The following AATF variants were observed in gnomAD, a reference collection of about 807,000 sequenced individuals.
AATF encodes apoptosis antagonizing transcription factor.
A neutral mutation model predicts 63.7 loss-of-function variants in AATF; 48 were observed. The ratio of observed to expected loss-of-function variants is 0.75; its 90% CI spans 0.60 to 0.96. The LOEUF is 0.96. Ranked by LOEUF, AATF falls within the 40% of genes least tolerant of loss-of-function variation. The pLI is 0.00. For missense variants in AATF, 639 were observed against 685.7 expected (o/e 0.93, Z 0.76); for synonymous variants, 258 against 247.7 (o/e 1.04, Z -0.39).
chr17:37,016,730 CT>C (rs1010970006), intron 8 of AATF, among the ~76,000 whole-genome samples: 4 of 149,010 alleles, frequency 2.7e-5, no homozygotes, highest in African/African-American at 5.0e-5. Context: ...TTTTTAGCAA[CT>C]GTTTTGAAAG....
intron 4 of AATF, among the ~76,000 whole-genome samples, chr17:36,973,283 G>T (rs2071053983): frequency 6.6e-6 from 1 of 152,092 alleles, no homozygotes; most frequent in South Asian, 2.1e-4. Context: ...GATTTTAAAG[G>T]ATTTATCCTT....
At chr17:36,986,007 G>C (rs900493019) in intron 4 of AATF, among the ~76,000 whole-genome samples, 1 of 152,170 alleles carries the variant, frequency 6.6e-6, no homozygotes, top group Admixed American at 6.5e-5. Flanking sequence ...CAAATAGAAA[G>C]TGATTCATTA....
chr17:37,023,692 A>G lies in AATF; in HGVS notation c.1547+2678A>G, dbSNP rs563021550. On this transcript the variant is annotated intron_variant, in intron 10 of 11. Coordinates refer to ENST00000619387, the MANE Select transcript of AATF (RefSeq NM_012138.4). ...AGGCATTCTTTTTAAACAGAGTTAA[A>G]CATGAAAACATAGTAAGTGGTTTTA... Among the ~76,000 whole-genome samples, 652 of 151,980 alleles carry G rather than the reference A, an allele frequency of 4.3e-3. 2 individuals carry two copies. The highest frequency in any genetic ancestry group is 0.012 in the South Asian group (58 of 4,796).
intron 8 of AATF, among the ~76,000 whole-genome samples, chr17:36,997,447 T>C (rs1470623605): frequency 6.6e-6 from 1 of 152,030 alleles, no homozygotes; most frequent in Admixed American, 6.6e-5. Context: ...AAAGAAGATA[T>C]ACAAATGGCC....
chr17:37,056,606 A>G lies in AATF; in HGVS notation c.1625A>G (p.Glu542Gly), dbSNP rs1280677935. ...TTGCTGTGTTTGTCTTTTAGGACAG[A>G]ACTGTACCGCTCTCTTTTTGGCCAG... Reference protein sequence around the residue: ...HTTMNDDARTELYRSLFGQLH... With the variant: ...HTTMNDDARTGLYRSLFGQLH... The change falls in exon 12 of 12, where the codon GAA (glutamate) becomes GGA (glycine). Residue 542 changes from glutamate (E) to glycine (G), a missense_variant. Transcript: ENST00000619387. 3.2e-5 allele frequency: 52 copies of G among 1,614,210 alleles called. No individual in the cohort carries two copies. Among genetic ancestry groups the G allele is most frequent in the Non-Finnish European group, 4.3e-5 (51 of 1,180,036 alleles).
At chr17:36,972,612 G>A (rs1429613886) in intron 4 of AATF, among the ~76,000 whole-genome samples, 2 of 151,620 alleles carry the variant, frequency 1.3e-5, no homozygotes, top group Non-Finnish European at 2.9e-5. Flanking sequence ...AAGTGTGTGT[G>A]TATAGAAAGT....
At chr17:36,996,859 G>C (rs908806732) in intron 8 of AATF, among the ~76,000 whole-genome samples, 5 of 152,136 alleles carry the variant, frequency 3.3e-5, no homozygotes, top group African/African-American at 1.2e-4. Context: ...CAGGTTTCTT[G>C]CTTTAAAAAA....
intron 5 of AATF, 24 bp from the exon 6 acceptor site, chr17:36,988,495 A>T: frequency 6.2e-7 from 1 of 1,610,024 alleles, no homozygotes; most frequent in Non-Finnish European, 8.5e-7. Flanking sequence ...TACACTGGAC[A>T]TAATATTCTT....
At chr17:37,043,711 G>A (rs903477975) in intron 11 of AATF, among the ~76,000 whole-genome samples, 2 of 151,660 alleles carry the variant, frequency 1.3e-5, no homozygotes, top group South Asian at 2.1e-4. Context: ...AGTTATTGTC[G>A]GCCTCCTCTG....
At chr17:36,965,245 G>T (rs550784848) in intron 4 of AATF, among the ~76,000 whole-genome samples, 74 of 152,282 alleles carry the variant, frequency 4.9e-4, no homozygotes, top group African/African-American at 1.7e-3. Flanking sequence ...GCAGGGCTTT[G>T]TTCCTGGAGG....
intron 6 of AATF, 121 bp downstream of exon 6, chr17:36,988,841 C>G (rs755562784): frequency 3.8e-5 from 37 of 986,202 alleles, no homozygotes; most frequent in Admixed American, 5.6e-5. Context: ...GGTAATCATT[C>G]ATTTCTATAG....
intron 4 of AATF, among the ~76,000 whole-genome samples, chr17:36,968,242 T>G (rs1349711068): frequency 1.2e-5 from 1 of 86,716 alleles, no homozygotes; most frequent in Non-Finnish European, 2.1e-5. Context: ...TATTTTTTTC[T>G]TTTTTCTTTT....
rs544132789 is a variant in AATF at position 37,008,673 on chromosome 17, C to T, written c.1399-10332C>T. Among the ~76,000 whole-genome samples the T allele has an allele frequency of 6.6e-5, 10 of 152,110 alleles. No homozygotes were observed. In the South Asian group the frequency reaches 1.0e-3, roughly 16 times the overall value. ...GAGGTCAAGAGTTCAAGACCAGCCA[C>T]GGCAACATAGAGAGACCCCATCTCT... On this transcript the variant is annotated intron_variant, in intron 8 of 11. Transcript: ENST00000619387.
At chr17:36,962,110 C>G (rs1472936499) in intron 4 of AATF, among the ~76,000 whole-genome samples, 1 of 152,164 alleles carries the variant, frequency 6.6e-6, no homozygotes, top group African/African-American at 2.4e-5. Context: ...TATTGATCTT[C>G]TTTTTGCTAA....
intron 8 of AATF, among the ~76,000 whole-genome samples, chr17:37,009,539 C>T (rs944497699): frequency 1.3e-4 from 19 of 150,702 alleles, no homozygotes; most frequent in African/African-American, 2.7e-4. Context: ...CCATCCAGGC[C>T]GGGCGCGGTG....
intron 11 of AATF, among the ~76,000 whole-genome samples, chr17:37,032,919 T>A (rs1012527688): frequency 6.6e-6 from 1 of 152,228 alleles, no homozygotes; most frequent in African/African-American, 2.4e-5. Context: ...TTTTTAAACA[T>A]ATTTACCAAG....
In AATF at chr17:36,951,409, G is replaced by T. The variant is rs148822257; in HGVS notation, c.283+1004G>T. Among the ~76,000 whole-genome samples, 580 of 151,954 alleles carry T rather than the reference G, an allele frequency of 3.8e-3. 11 individuals carry two copies. Among genetic ancestry groups the T allele is most frequent in the Admixed American group, 0.033 (503 of 15,264 alleles). On this transcript the variant is annotated intron_variant, in intron 2 of 11. Transcript: ENST00000619387. ...CACTGAGTTTAGCTCTATAATTTAA[G>T]TTCTAAGAGCCTGGGACACAGTAAG...
chr17:37,002,616 G>A (rs2071309165), intron 8 of AATF, among the ~76,000 whole-genome samples: 1 of 151,084 alleles, frequency 6.6e-6, no homozygotes. Context: ...AGCTTGCAGT[G>A]AGCCAAGATA....
At chr17:36,983,550 C>T (rs1433626266) in intron 4 of AATF, among the ~76,000 whole-genome samples, 2 of 151,850 alleles carry the variant, frequency 1.3e-5, no homozygotes, top group Non-Finnish European at 2.9e-5. Flanking sequence ...AGGGTTTCAC[C>T]ATGTTGGCCA....
Sources: allele counts gnomAD v4.1 joint callset (sites outside exome capture counted in the v4.1 genomes callset), GRCh38; gene constraint gnomAD v4.1.1; transcripts MANE v1.5; gene names NCBI Gene and HGNC (gene_info 2026-07-23, HGNC 2026-07-21).